ALG14: variants seen among roughly 807,000 people sequenced by gnomAD.
The protein encoded by ALG14 is UDP-N-acetylglucosamine transferase subunit ALG14.
ALG14 carries 17 observed loss-of-function variants against 22.8 expected under a neutral mutation model. That is an observed-to-expected ratio of 0.75 (90% CI 0.51 to 1.12). The LOEUF is 1.12. ALG14 is among the 50% of genes most tolerant of loss of function. The probability of loss-of-function intolerance (pLI) is 0.00; values close to 1 mark genes in which losing one functional copy is unlikely to be tolerated. For synonymous variants in ALG14, 89 were observed against 103.7 expected (o/e 0.86, Z 0.86); for missense variants, 288 against 271.8 (o/e 1.06, Z -0.42).
At chr1:94,995,143 A>T (rs917534148) in intron 3 of ALG14, among the ~76,000 whole-genome samples, 6 of 152,184 alleles carry the variant, frequency 3.9e-5, no homozygotes, top group African/African-American at 1.4e-4. Flanking sequence ...AGTGTTCTTT[A>T]TTTTATGTGC....
chr1:95,069,256 G>A (rs1267349558), intron 1 of ALG14, among the ~76,000 whole-genome samples: 1 of 152,132 alleles, frequency 6.6e-6, no homozygotes, highest in Non-Finnish European at 1.5e-5. Flanking sequence ...TCTCAGAATC[G>A]CTTGATCCCA....
rs560594798 is a variant in ALG14 at position 95,031,673 on chromosome 1, C to T, written c.289-4413G>A. On this transcript the variant is annotated intron_variant, in intron 2 of 3. Transcript: ENST00000370205. Reference sequence around the variant, plus strand: ...CCATCCTCCCCTCTCCCCATCCCCACGTACACATATTCTTCCCTCCTCCAT... The same window carrying T: ...CCATCCTCCCCTCTCCCCATCCCCATGTACACATATTCTTCCCTCCTCCAT... Among the ~76,000 whole-genome samples, 4 of 152,044 alleles carry T rather than the reference C, an allele frequency of 2.6e-5. No homozygotes were observed. The South Asian group carries it at 6.2e-4, about 24-fold the overall frequency.
chr1:95,072,619 C>A, intron 1 of ALG14, 144 bp downstream of exon 1: 1 of 1,261,054 alleles, frequency 7.9e-7, no homozygotes, highest in Non-Finnish European at 1.1e-6. Context: ...GCTGGACTGC[C>A]CGGTTCCGGC....
chr1:95,045,054 G>A (rs1381422047), intron 2 of ALG14, among the ~76,000 whole-genome samples: 1 of 151,902 alleles, frequency 6.6e-6, no homozygotes, highest in Admixed American at 6.6e-5. Context: ...TTTTATTCAA[G>A]CTCCTTTCCC....
At chr1:94,989,034 T>A (rs1672709277) in intron 3 of ALG14, among the ~76,000 whole-genome samples, 1 of 152,228 alleles carries the variant, frequency 6.6e-6, no homozygotes, top group Admixed American at 6.5e-5. Flanking sequence ...AAAATACTTT[T>A]TAAAAACTCA....
At chr1:95,013,369 C>T (rs1673422276) in intron 3 of ALG14, among the ~76,000 whole-genome samples, 1 of 151,650 alleles carries the variant, frequency 6.6e-6, no homozygotes, top group Non-Finnish European at 1.5e-5. Context: ...AAGAGTCTTG[C>T]TCCGTCGCCC....
intron 3 of ALG14, among the ~76,000 whole-genome samples, chr1:95,021,778 C>T (rs532248084): frequency 6.6e-6 from 1 of 152,320 alleles, no homozygotes; most frequent in Admixed American, 6.5e-5. Flanking sequence ...GTCTCTGGAG[C>T]TCACTGCCTG....
At chr1:95,036,419 CTTTTT>C (rs35068075) in intron 2 of ALG14, among the ~76,000 whole-genome samples, 16 of 71,860 alleles carry the variant, frequency 2.2e-4, no homozygotes, top group Admixed American at 1.5e-3. Flanking sequence ...AATTAAACCT[CTTTTT>C]TTTTTTTTTT....
chr1:95,046,207 C>A (rs569178662), intron 2 of ALG14, among the ~76,000 whole-genome samples: 1 of 152,176 alleles, frequency 6.6e-6, no homozygotes, highest in African/African-American at 2.4e-5. Flanking sequence ...GGAATTCAAT[C>A]AACAATCTAG....
At position 94,982,120 on chromosome 1, in the gene ALG14, G is replaced by GTTTTTTTT. The variant is rs57730557; in HGVS notation, c.*948_*955dup. 4 of 118,400 alleles carry GTTTTTTTT rather than the reference G, an allele frequency of 3.4e-5. No individual in the cohort carries two copies. The highest frequency in any genetic ancestry group is 3.2e-5 in the African/African-American group (1 of 31,720). The allele number at this position is 118,400 out of a possible 1,614,324, so 7.3% of individuals were successfully genotyped here. Reference sequence around the variant, plus strand: ...AACAGTCCCTACATCATTGAGTTTTGTTTTTTTTTTTTTTTTTTGAGACGA... The same window carrying GTTTTTTTT: ...AACAGTCCCTACATCATTGAGTTTTGTTTTTTTTTTTTTTTTTTTTTTTTTTGAGACGA... On this transcript the variant is annotated 3_prime_UTR_variant, in exon 4 of 4. Coordinates refer to ENST00000370205, the MANE Select transcript of ALG14 (RefSeq NM_144988.4).
intron 3 of ALG14, among the ~76,000 whole-genome samples, chr1:95,005,889 T>C (rs377108107): frequency 3.9e-5 from 6 of 152,322 alleles, no homozygotes; most frequent in South Asian, 2.1e-4. Flanking sequence ...AAATGTCCCA[T>C]TGGACATCTA....
intron 2 of ALG14, among the ~76,000 whole-genome samples, chr1:95,043,634 G>C (rs1306483283): frequency 2.0e-5 from 3 of 152,116 alleles, no homozygotes; most frequent in Non-Finnish European, 2.9e-5. Flanking sequence ...CATTGCAGAG[G>C]AAAGAAAATA....
chr1:95,056,637 T>C (rs1674941914), intron 2 of ALG14, among the ~76,000 whole-genome samples: 1 of 151,806 alleles, frequency 6.6e-6, no homozygotes, highest in South Asian at 2.1e-4. Context: ...AGTGAGACAC[T>C]GTCTCAAAAA....
Position 95,058,756 on chromosome 1 carries a change from G to A in ALG14, c.288+6110C>T, listed in dbSNP as rs1292378680. 1.8e-4 allele frequency among the ~76,000 whole-genome samples: 27 copies of A among 149,920 alleles called. 1 individual carries two copies. The highest frequency in any genetic ancestry group is 1.8e-3 in the Admixed American group (27 of 15,018). The stretch of plus-strand genomic sequence containing the variant: ...AGAAAACAAAATGAAATCAGAAGAA[G>A]ACATGGTATACAAGAAACAGCGGTG... On this transcript the variant is annotated intron_variant, in intron 2 of 3. Coordinates refer to ENST00000370205, the MANE Select transcript of ALG14 (RefSeq NM_144988.4).
At chr1:95,049,347 A>C (rs1674668966) in intron 2 of ALG14, among the ~76,000 whole-genome samples, 1 of 152,194 alleles carries the variant, frequency 6.6e-6, no homozygotes, top group Non-Finnish European at 1.5e-5. Context: ...AGTCTGGGCC[A>C]CATGGCAAAA....
chr1:95,067,846 A>C (rs1277143345), intron 1 of ALG14, among the ~76,000 whole-genome samples: 10 of 152,136 alleles, frequency 6.6e-5, no homozygotes, highest in Non-Finnish European at 4.4e-5. Flanking sequence ...ATGTGAAATA[A>C]AAGGCTTCTT....
intron 3 of ALG14, among the ~76,000 whole-genome samples, chr1:95,015,535 AG>A (rs1673475102): frequency 6.6e-6 from 1 of 152,234 alleles, no homozygotes; most frequent in African/African-American, 2.4e-5. Flanking sequence ...AAGCCTCAGA[AG>A]AAGCCTCAAG....
At chr1:95,011,697 G>A (rs571501441) in intron 3 of ALG14, among the ~76,000 whole-genome samples, 2 of 152,078 alleles carry the variant, frequency 1.3e-5, no homozygotes, top group Non-Finnish European at 2.9e-5. Flanking sequence ...TTACAGGTGT[G>A]AGCCGCCGTG....
chr1:95,062,069 C>T (rs1675178853), intron 2 of ALG14: 1 of 151,860 alleles, frequency 6.6e-6, no homozygotes, highest in Non-Finnish European at 1.5e-5. Context: ...AAGGCAGACA[C>T]AAGTATGATT....
Sources: gnomAD v4.1 joint callset for allele counts (sites outside exome capture counted in the v4.1 genomes callset) on GRCh38, gnomAD v4.1.1 for gene constraint, MANE v1.5 for transcripts, NCBI Gene and HGNC (gene_info 2026-07-23, HGNC 2026-07-21) for gene names.